The following ATOSA variants were observed in gnomAD, a reference collection of about 807,000 sequenced individuals.
ATOSA encodes atos homolog protein A.
the ATOSA span, among the ~76,000 whole-genome samples, chr15:52,690,163 ATG>A: frequency 6.6e-6 from 1 of 152,256 alleles, no homozygotes; most frequent in Non-Finnish European, 1.5e-5. Context: ...GAAGAAGTTA[ATG>A]TGTTATTGAA....
chr15:52,618,372 T>A, the ATOSA span, among the ~76,000 whole-genome samples: 1 of 152,068 alleles, frequency 6.6e-6, no homozygotes, highest in Admixed American at 6.6e-5. Context: ...GGATGTCTCT[T>A]AAAACTACTT....
the ATOSA span, among the ~76,000 whole-genome samples, chr15:52,639,374 T>C: frequency 6.6e-6 from 1 of 152,222 alleles, no homozygotes; most frequent in African/African-American, 2.4e-5. Flanking sequence ...TAACCTCTGG[T>C]GCTGAGTTTC....
the ATOSA span, among the ~76,000 whole-genome samples, chr15:52,665,121 G>C: frequency 6.6e-6 from 1 of 152,178 alleles, no homozygotes; most frequent in Non-Finnish European, 1.5e-5. Flanking sequence ...GGAATGGAGG[G>C]AGGCAGGTAC....
At chr15:52,597,241 T>G in the ATOSA span, among the ~76,000 whole-genome samples, 1 of 38,278 alleles carries the variant, frequency 2.6e-5, no homozygotes, top group African/African-American at 8.1e-5. Context: ...TTCTATTCTA[T>G]TCTATTCTCT....
chr15:52,600,258 A>G, the ATOSA span: 2 of 1,436,406 alleles, frequency 1.4e-6, no homozygotes, highest in Non-Finnish European at 1.9e-6. Context: ...CAAATCAGCA[A>G]AAGAACACAT....
At chr15:52,611,097 C>A in the ATOSA span, 3 of 1,580,424 alleles carry the variant, frequency 1.9e-6, no homozygotes, top group Middle Eastern at 3.4e-4. Flanking sequence ...TGGCTGAATA[C>A]GCACTGTCCT....
At chr15:52,634,789 A>G in the ATOSA span, among the ~76,000 whole-genome samples, 1 of 151,976 alleles carries the variant, frequency 6.6e-6, no homozygotes, top group Non-Finnish European at 1.5e-5. Context: ...TTTGGTAGAG[A>G]CGGGGTTTCA....
At chr15:52,685,424 T>G in the ATOSA span, among the ~76,000 whole-genome samples, 79 of 150,068 alleles carry the variant, frequency 5.3e-4, no homozygotes, top group South Asian at 1.7e-3. Context: ...GAGTTTTTTT[T>G]TTTTGTTTTG....
At chr15:52,621,216 A>G in the ATOSA span, among the ~76,000 whole-genome samples, 2 of 152,224 alleles carry the variant, frequency 1.3e-5, no homozygotes, top group East Asian at 3.8e-4. Context: ...CATATCTACA[A>G]TATAAGTAAA....
the ATOSA span, among the ~76,000 whole-genome samples, chr15:52,617,793 TTA>T: frequency 6.7e-6 from 1 of 148,388 alleles, no homozygotes; most frequent in Non-Finnish European, 1.5e-5. Context: ...TACAAATAAT[TTA>T]TATAATTTAT....
the ATOSA span, among the ~76,000 whole-genome samples, chr15:52,620,604 G>A: frequency 6.6e-6 from 1 of 152,196 alleles, no homozygotes; most frequent in Non-Finnish European, 1.5e-5. Flanking sequence ...GGATTAACAT[G>A]GAAGAGGCGT....
the ATOSA span, among the ~76,000 whole-genome samples, chr15:52,708,727 C>T: frequency 1.3e-5 from 2 of 151,906 alleles, no homozygotes; most frequent in South Asian, 2.1e-4. Flanking sequence ...CTCCTCAGAG[C>T]TTCTTACCAA....
the ATOSA span, chr15:52,610,431 A>C: frequency 6.6e-7 from 1 of 1,513,514 alleles, no homozygotes; most frequent in Non-Finnish European, 8.9e-7. Flanking sequence ...TAAAGGTTAG[A>C]TCCTTATTAT....
At chr15:52,627,459 T>C in the ATOSA span, among the ~76,000 whole-genome samples, 4 of 152,278 alleles carry the variant, frequency 2.6e-5, no homozygotes, top group East Asian at 1.9e-4. Context: ...ACATAGCAAG[T>C]ACTCAATAAA....
At chr15:52,678,399 G>T in the ATOSA span, 4 of 253,984 alleles carry the variant, frequency 1.6e-5, no homozygotes, top group Admixed American at 4.9e-5. Flanking sequence ...CAGGCAAGAA[G>T]AAGAAAAAGA....
the ATOSA span, among the ~76,000 whole-genome samples, chr15:52,703,205 C>T: frequency 6.6e-6 from 1 of 151,986 alleles, no homozygotes; most frequent in Non-Finnish European, 1.5e-5. Context: ...CAAACTAATC[C>T]AAAATAACAA....
At chr15:52,617,959 C>T in the ATOSA span, among the ~76,000 whole-genome samples, 17 of 152,142 alleles carry the variant, frequency 1.1e-4, no homozygotes, top group African/African-American at 4.1e-4. Context: ...CTGCAGGCCT[C>T]TAACCAGAGC....
At chr15:52,682,280 CA>C in the ATOSA span, among the ~76,000 whole-genome samples, 3,943 of 142,298 alleles carry the variant, frequency 0.028, 163 homozygotes, top group African/African-American at 0.088. Context: ...GTTCTCCCCT[CA>C]AAAAAAAAAA....
chr15:52,647,167 T>C, the ATOSA span, among the ~76,000 whole-genome samples: 1 of 152,164 alleles, frequency 6.6e-6, no homozygotes, highest in Non-Finnish European at 1.5e-5. Flanking sequence ...TTTGTTTTGT[T>C]TTACATTTGT....
Sources: gnomAD v4.1 joint callset for allele counts (sites outside exome capture counted in the v4.1 genomes callset) on GRCh38, gnomAD v4.1.1 for gene constraint, MANE v1.5 for transcripts, NCBI Gene and HGNC (gene_info 2026-07-23, HGNC 2026-07-21) for gene names.